CNTN5: variants seen among roughly 807,000 people sequenced by gnomAD.
The protein encoded by CNTN5 is contactin-5.
Under a neutral mutation model 129.1 loss-of-function variants are expected in CNTN5, and 77 were observed. The observed-to-expected ratio is 0.60, with a 90% CI of 0.50 to 0.72. The LOEUF is 0.72. Ranked by LOEUF, CNTN5 falls within the 30% of genes least tolerant of loss-of-function variation. The pLI is 0.00. For synonymous variants in CNTN5, 509 were observed against 465.6 expected, an observed-to-expected ratio of 1.09 and a Z score of -1.20; for missense variants, 1,478 against 1,328.8, an observed-to-expected ratio of 1.11 and a Z score of -1.75.
chr11:99,622,469 C>T (rs1383641635), intron 3 of CNTN5, among the ~76,000 whole-genome samples: 1 of 152,070 alleles, frequency 6.6e-6, no homozygotes, highest in Non-Finnish European at 1.5e-5. Flanking sequence ...CGGTATTAGT[C>T]AACAAAGTAG....
intron 2 of CNTN5, among the ~76,000 whole-genome samples, chr11:99,375,572 A>AAGAGG (rs1317537935): frequency 6.6e-6 from 1 of 152,152 alleles, no homozygotes; most frequent in Non-Finnish European, 1.5e-5. Flanking sequence ...AATATCCCTA[A>AAGAGG]ATATAGTGAC....
chr11:99,905,532 G>A (rs1422288256), intron 6 of CNTN5, among the ~76,000 whole-genome samples: 1 of 152,116 alleles, frequency 6.6e-6, no homozygotes, highest in Non-Finnish European at 1.5e-5. Context: ...ATGCTGTTTT[G>A]GTTACTGTAG....
chr11:100,248,376 C>A (rs544868263), intron 16 of CNTN5, among the ~76,000 whole-genome samples: 1 of 151,912 alleles, frequency 6.6e-6, no homozygotes, highest in African/African-American at 2.4e-5. Context: ...GAGACCCCAT[C>A]TCTATAAAAA....
intron 1 of CNTN5, among the ~76,000 whole-genome samples, chr11:99,089,660 G>A (rs537996748): frequency 6.6e-6 from 1 of 152,196 alleles, no homozygotes; most frequent in East Asian, 1.9e-4. Context: ...GTGTTACCAT[G>A]TTATCATTAG....
chr11:100,037,149 A>C (rs1335922696), intron 9 of CNTN5, among the ~76,000 whole-genome samples: 3 of 143,044 alleles, frequency 2.1e-5, no homozygotes, highest in East Asian at 2.1e-4. Context: ...TTCCATCAAT[A>C]CCTAATTTAT....
chr11:99,363,181 T>C (rs1024253996), intron 2 of CNTN5, among the ~76,000 whole-genome samples: 5 of 152,132 alleles, frequency 3.3e-5, no homozygotes, highest in Admixed American at 6.5e-5. Flanking sequence ...ATGTCACCTT[T>C]AATTTCTTTT....
At chr11:99,117,917 A>AGTC (rs1858119368) in intron 1 of CNTN5, among the ~76,000 whole-genome samples, 1 of 152,224 alleles carries the variant, frequency 6.6e-6, no homozygotes, top group Non-Finnish European at 1.5e-5. Flanking sequence ...TAAGCCATCC[A>AGTC]GTCCATGCTA....
At chr11:99,561,437 T>C (rs943113216) in intron 3 of CNTN5, among the ~76,000 whole-genome samples, 14 of 152,208 alleles carry the variant, frequency 9.2e-5, no homozygotes, top group African/African-American at 3.4e-4. Flanking sequence ...TGTAGATTAA[T>C]TTCAAATAAT....
chr11:99,331,378 TA>T (rs1209544216), intron 2 of CNTN5, among the ~76,000 whole-genome samples: 1 of 152,032 alleles, frequency 6.6e-6, no homozygotes, highest in Non-Finnish European at 1.5e-5. Context: ...TTAAAATAAC[TA>T]TAGATAGATG....
intron 1 of CNTN5, among the ~76,000 whole-genome samples, chr11:99,315,625 G>A (rs966510042): frequency 6.7e-6 from 1 of 149,472 alleles, no homozygotes; most frequent in Non-Finnish European, 1.5e-5. Context: ...CTTTAGCCAA[G>A]AATGCATAGG....
intron 1 of CNTN5, among the ~76,000 whole-genome samples, chr11:99,288,769 C>T (rs1230641118): frequency 6.6e-6 from 1 of 151,808 alleles, no homozygotes; most frequent in Non-Finnish European, 1.5e-5. Context: ...AGCACCCTTG[C>T]TTAAATAAAA....
chr11:99,472,288 A>G (rs952748923), intron 2 of CNTN5, among the ~76,000 whole-genome samples: 1 of 152,194 alleles, frequency 6.6e-6, no homozygotes, highest in Non-Finnish European at 1.5e-5. Context: ...AAATGCTGAA[A>G]TAATCACCCC....
intron 1 of CNTN5, among the ~76,000 whole-genome samples, chr11:99,060,800 A>C (rs1159935914): frequency 3.3e-5 from 5 of 152,108 alleles, no homozygotes; most frequent in African/African-American, 1.2e-4. Context: ...TAGTATATTA[A>C]AAATAAACAA....
At chr11:99,254,624 C>G (rs1456653442) in intron 1 of CNTN5, among the ~76,000 whole-genome samples, 2 of 151,748 alleles carry the variant, frequency 1.3e-5, no homozygotes, top group African/African-American at 4.8e-5. Flanking sequence ...TTGTTGATAC[C>G]TTGAATGTTC....
intron 4 of CNTN5, among the ~76,000 whole-genome samples, chr11:99,839,335 A>G (rs1947404650): frequency 6.6e-6 from 1 of 152,196 alleles, no homozygotes; most frequent in Non-Finnish European, 1.5e-5. Context: ...GTCTGTGTGA[A>G]AGTGGACAAA....
chr11:99,302,442 T>C (rs1024036512), intron 1 of CNTN5, among the ~76,000 whole-genome samples: 1 of 151,786 alleles, frequency 6.6e-6, no homozygotes, highest in African/African-American at 2.4e-5. Flanking sequence ...TTTACAATTG[T>C]ATACTAAAAA....
intron 1 of CNTN5, among the ~76,000 whole-genome samples, chr11:99,173,344 C>T (rs1389010123): frequency 6.6e-6 from 1 of 152,074 alleles, no homozygotes; most frequent in Non-Finnish European, 1.5e-5. Flanking sequence ...CCACATGGTC[C>T]AAAATGCTAG....
chr11:99,297,822 T>C (rs1864454555), intron 1 of CNTN5, among the ~76,000 whole-genome samples: 1 of 152,134 alleles, frequency 6.6e-6, no homozygotes, highest in Non-Finnish European at 1.5e-5. Flanking sequence ...AAGACAAATT[T>C]TATAACCCCT....
chr11:99,693,183 G>C (rs1343475655), intron 3 of CNTN5, among the ~76,000 whole-genome samples: 1 of 152,034 alleles, frequency 6.6e-6, no homozygotes, highest in African/African-American at 2.4e-5. Context: ...TAAAAACTGA[G>C]TACATGTGTG....
Sources: gnomAD v4.1 joint callset for allele counts (sites outside exome capture counted in the v4.1 genomes callset) on GRCh38, gnomAD v4.1.1 for gene constraint, MANE v1.5 for transcripts, NCBI Gene and HGNC (gene_info 2026-07-23, HGNC 2026-07-21) for gene names.